Variants in PCGF5 observed in about 807,000 individuals in gnomAD.
PCGF5 encodes the protein polycomb group RING finger protein 5.
A neutral mutation model predicts 44.3 loss-of-function variants in PCGF5; 9 were observed. That is an observed-to-expected ratio of 0.20 (90% CI 0.12 to 0.35). The LOEUF is 0.35. Ranked by LOEUF, PCGF5 falls within the 10% of genes least tolerant of loss-of-function variation. PCGF5 has a pLI of 1.00. For missense variants in PCGF5, 146 were observed against 305.3 expected (o/e 0.48, Z 3.89); for synonymous variants, 95 against 102.5 (o/e 0.93, Z 0.44).
chr10:91,180,484 G>A (rs1843798986), intron 1 of PCGF5, among the ~76,000 whole-genome samples: 1 of 152,130 alleles, frequency 6.6e-6, no homozygotes, highest in African/African-American at 2.4e-5. Flanking sequence ...TTACATTTAA[G>A]CCTTTAACCC....
At position 91,176,167 on chromosome 10, in the gene PCGF5, G is replaced by T. The variant is rs904586237; in HGVS notation, c.-184+13086G>T. Among the ~76,000 whole-genome samples, 5 of 152,034 alleles carry T rather than the reference G, an allele frequency of 3.3e-5. No individual in the cohort carries two copies. In the South Asian group the frequency reaches 6.2e-4, roughly 19 times the overall value. ...AAGTGTTTTATTTCTCCTTCACTTA[G>T]GAAGCTTAGTTTGGCTGGATATGAA... On this transcript the variant is annotated intron_variant, in intron 1 of 9. Transcript: ENST00000614189.
intron 8 of PCGF5, among the ~76,000 whole-genome samples, chr10:91,268,367 C>G (rs1300680683): frequency 1.3e-5 from 2 of 152,102 alleles, no homozygotes; most frequent in Non-Finnish European, 2.9e-5. Context: ...CCCAATTATT[C>G]TTTTGAAAAT....
chr10:91,211,136 A>C (rs1479710753), intron 1 of PCGF5, among the ~76,000 whole-genome samples: 1 of 152,204 alleles, frequency 6.6e-6, no homozygotes, highest in Admixed American at 6.5e-5. Context: ...TGATTACAGC[A>C]AACTTAAATT....
chr10:91,278,333 C>T lies in PCGF5; in HGVS notation c.*17C>T. ...TTCGGTTAGACCAAGGGGCCCAGAC[C>T]TCACTGAGATGAATCCTGCACTATT... On this transcript the variant is annotated 3_prime_UTR_variant, in exon 10 of 10. Coordinates refer to ENST00000336126, the MANE Select transcript of PCGF5 (RefSeq NM_032373.5). The T allele has an allele frequency of 6.2e-7, 1 of 1,603,280 alleles. No homozygotes were observed. The highest frequency in any genetic ancestry group is 8.5e-7 in the Non-Finnish European group (1 of 1,170,198).
intron 2 of PCGF5, among the ~76,000 whole-genome samples, chr10:91,238,197 G>A (rs566679601): frequency 2.6e-5 from 4 of 152,322 alleles, no homozygotes; most frequent in African/African-American, 9.6e-5. Flanking sequence ...GTAGCCACAT[G>A]TGGCTAGTGA....
chr10:91,271,749 AG>A (rs760918130), intron 9 of PCGF5, 52 bp downstream of exon 9: 1 of 1,451,348 alleles, frequency 6.9e-7, no homozygotes, highest in Non-Finnish European at 9.7e-7. Flanking sequence ...CATGGCGGTG[AG>A]CACATTCATC....
intron 1 of PCGF5, among the ~76,000 whole-genome samples, chr10:91,186,572 A>G (rs202091272): frequency 1.5e-4 from 17 of 113,544 alleles, no homozygotes; most frequent in South Asian, 3.4e-4. Context: ...GTGTGTGTGT[A>G]TATATATGTG....
intron 1 of PCGF5, among the ~76,000 whole-genome samples, chr10:91,188,770 G>C (rs1843973794): frequency 1.3e-5 from 2 of 152,130 alleles, no homozygotes; most frequent in Admixed American, 1.3e-4. Flanking sequence ...AAAAAGTCCA[G>C]ATCTACAGAG....
At chr10:91,229,343 A>G (rs1260537170) in intron 2 of PCGF5, among the ~76,000 whole-genome samples, 1 of 152,220 alleles carries the variant, frequency 6.6e-6, no homozygotes, top group African/African-American at 2.4e-5. Context: ...GACAAATGCT[A>G]TGAGTTAAAA....
At chr10:91,205,597 C>T (rs1378884660) in intron 1 of PCGF5, among the ~76,000 whole-genome samples, 3 of 152,176 alleles carry the variant, frequency 2.0e-5, no homozygotes, top group Non-Finnish European at 2.9e-5. Flanking sequence ...TTCCTCTATC[C>T]ATCAAACACC....
chr10:91,203,243 C>T (rs1844285374), intron 1 of PCGF5, among the ~76,000 whole-genome samples: 1 of 152,192 alleles, frequency 6.6e-6, no homozygotes, highest in South Asian at 2.1e-4. Flanking sequence ...AATTATCCAA[C>T]ATTTGGGAAT....
chr10:91,250,185 A>G (rs1480966484), intron 5 of PCGF5, among the ~76,000 whole-genome samples: 2 of 151,830 alleles, frequency 1.3e-5, no homozygotes, highest in Non-Finnish European at 2.9e-5. Context: ...ATAGAAGGCA[A>G]CTCCTATCTA....
the PCGF5 span, among the ~76,000 whole-genome samples, chr10:91,156,436 C>A: frequency 1.3e-5 from 2 of 152,134 alleles, no homozygotes; most frequent in Non-Finnish European, 2.9e-5. Flanking sequence ...TGGGAAGCCA[C>A]TGGGGAGATT....
At chr10:91,259,523 G>A (rs1447096047) in intron 6 of PCGF5, among the ~76,000 whole-genome samples, 1 of 152,130 alleles carries the variant, frequency 6.6e-6, no homozygotes, top group East Asian at 1.9e-4. Flanking sequence ...TCAATCCTAA[G>A]CCAAAAGAAC....
chr10:91,166,519 C>T (rs73325254), intron 1 of PCGF5, among the ~76,000 whole-genome samples: 6,233 of 152,178 alleles, frequency 0.041, 417 homozygotes, highest in African/African-American at 0.14. Flanking sequence ...AATAATGAAA[C>T]TACTGTTTAA....
At chr10:91,207,878 G>A (rs112316489) in intron 1 of PCGF5, among the ~76,000 whole-genome samples, 2 of 152,136 alleles carry the variant, frequency 1.3e-5, no homozygotes, top group African/African-American at 4.8e-5. Flanking sequence ...ATCTCAGCAG[G>A]TACATAATGT....
intron 2 of PCGF5, among the ~76,000 whole-genome samples, chr10:91,235,103 A>C (rs561274162): frequency 6.6e-6 from 1 of 151,804 alleles, no homozygotes; most frequent in African/African-American, 2.4e-5. Flanking sequence ...ACTACCTCCT[A>C]CTCTCCCTTG....
At chr10:91,271,743 G>A in intron 9 of PCGF5, 46 bp downstream of exon 9, 3 of 1,481,662 alleles carry the variant, frequency 2.0e-6, no homozygotes. Flanking sequence ...TGACACCATG[G>A]CGGTGAGCAC....
intron 1 of PCGF5, among the ~76,000 whole-genome samples, chr10:91,169,927 G>A (rs1447681301): frequency 6.6e-6 from 1 of 152,134 alleles, no homozygotes; most frequent in East Asian, 1.9e-4. Flanking sequence ...TAAACAAATG[G>A]ATCATGGGAC....
Sources: gnomAD v4.1 joint callset for allele counts (sites outside exome capture counted in the v4.1 genomes callset) on GRCh38, gnomAD v4.1.1 for gene constraint, MANE v1.5 for transcripts, NCBI Gene and HGNC (gene_info 2026-07-23, HGNC 2026-07-21) for gene names.